DDI2: variants seen among roughly 807,000 people sequenced by gnomAD.
The protein encoded by DDI2 is protein DDI1 homolog 2.
A neutral mutation model predicts 48.1 loss-of-function variants in DDI2; 5 were observed. The observed-to-expected ratio is 0.10, with a 90% confidence interval of 0.05 to 0.22. The LOEUF (loss-of-function observed/expected upper bound fraction) is 0.22. Among genes scored for constraint, DDI2 ranks in the 10% least tolerant of loss-of-function variants. The pLI is 1.00. For synonymous variants in DDI2, 205 were observed against 183.6 expected (o/e 1.12, Z -0.94); for missense variants, 285 against 506.2 (o/e 0.56, Z 4.19).
At chr1:15,622,397 C>T (rs566090847) in intron 1 of DDI2, among the ~76,000 whole-genome samples, 1 of 152,160 alleles carries the variant, frequency 6.6e-6, no homozygotes, top group Admixed American at 6.6e-5. Flanking sequence ...CATTCAGAGA[C>T]CAGAAAACAC....
chr1:15,636,927 G>A (rs147318458), intron 4 of DDI2, among the ~76,000 whole-genome samples: 111 of 152,214 alleles, frequency 7.3e-4, no homozygotes, highest in African/African-American at 2.7e-3. Context: ...AACTTTTTTT[G>A]CCTAAACAGC....
chr1:15,662,988 A>G lies in DDI2; in HGVS notation c.*3198A>G, dbSNP rs1274038933. ...TGTGGCCTTTTTTTATATAAGGACT[A>G]GCCCTTGGAAATCATTGTCCTGTGG... On this transcript the variant is annotated 3_prime_UTR_variant, in exon 10 of 10. Transcript: ENST00000480945. 1 of 152,188 alleles carries G rather than the reference A, an allele frequency of 6.6e-6. No homozygotes were observed. Among genetic ancestry groups the G allele is most frequent in the African/African-American group, 2.4e-5 (1 of 41,440 alleles). 9.4% of individuals were successfully genotyped at this position (152,188 alleles called of 1,614,324 possible). A position where few individuals can be genotyped will look rare whatever the true frequency, so the allele number is the denominator to read the frequency against.
chr1:15,645,780 G>A (rs1640081264), intron 6 of DDI2, among the ~76,000 whole-genome samples: 1 of 151,776 alleles, frequency 6.6e-6, no homozygotes, highest in Non-Finnish European at 1.5e-5. Context: ...TAAGGCAGGA[G>A]GATTGCTTGA....
intron 5 of DDI2, among the ~76,000 whole-genome samples, chr1:15,643,054 G>A (rs565639381): frequency 3.3e-5 from 5 of 152,172 alleles, no homozygotes; most frequent in South Asian, 2.1e-4. Context: ...GCGACAGAGC[G>A]AGACTGTCTC....
intron 8 of DDI2, among the ~76,000 whole-genome samples, chr1:15,653,166 A>T (rs970457136): frequency 6.6e-6 from 1 of 151,876 alleles, no homozygotes; most frequent in African/African-American, 2.4e-5. Context: ...TGTTTTTGTG[A>T]TTTTCCTAAA....
chr1:15,653,272 AT>A (rs1640221275), intron 8 of DDI2, among the ~76,000 whole-genome samples: 3 of 140,328 alleles, frequency 2.1e-5, no homozygotes, highest in Admixed American at 7.0e-5. Context: ...TATTTTATTT[AT>A]TTTATTTTAT....
intron 1 of DDI2, among the ~76,000 whole-genome samples, chr1:15,625,838 C>G (rs983601993): frequency 6.6e-6 from 1 of 152,112 alleles, no homozygotes; most frequent in Admixed American, 6.5e-5. Context: ...AGGCTGGTCT[C>G]GAACCCCTGA....
intron 6 of DDI2, among the ~76,000 whole-genome samples, chr1:15,648,125 G>A (rs560609497): frequency 6.6e-6 from 1 of 152,214 alleles, no homozygotes; most frequent in African/African-American, 2.4e-5. Flanking sequence ...GATTTGTGTA[G>A]GATAAAGATA....
At chr1:15,651,997 C>G (rs1363512332) in intron 8 of DDI2, 102 bp downstream of exon 8, 2 of 1,172,612 alleles carry the variant, frequency 1.7e-6, no homozygotes, top group Admixed American at 6.0e-5. Context: ...TTTAATTAGT[C>G]TCATGGTCCA....
Position 15,636,213 on chromosome 1 carries a change from C to G in DDI2, c.633-2094C>G, listed in dbSNP as rs560914098. Among the ~76,000 whole-genome samples, 20 of 152,222 alleles carry G rather than the reference C, an allele frequency of 1.3e-4. No individual in the cohort carries two copies. In the East Asian group the frequency reaches 3.7e-3, roughly 28 times the overall value. On this transcript the variant is annotated intron_variant, in intron 4 of 9. Transcript: ENST00000480945. ...GTGGCACGATCATGGCTCATAGCCTCAACTTCTTAGGCTCAGGTGATCCTC... is the reference window on the plus strand; with the variant it reads ...GTGGCACGATCATGGCTCATAGCCTGAACTTCTTAGGCTCAGGTGATCCTC...
At chr1:15,643,206 T>C (rs1044045383) in intron 5 of DDI2, among the ~76,000 whole-genome samples, 4 of 152,252 alleles carry the variant, frequency 2.6e-5, no homozygotes, top group Admixed American at 6.5e-5. Flanking sequence ...AAAGTACTGC[T>C]AATTTAGCAT....
At chr1:15,633,199 GA>G (rs1639875084) in intron 3 of DDI2, among the ~76,000 whole-genome samples, 3 of 152,216 alleles carry the variant, frequency 2.0e-5, no homozygotes, top group Admixed American at 2.0e-4. Context: ...AAAGTGTCGA[GA>G]TTATAGGCAT....
intron 9 of DDI2, among the ~76,000 whole-genome samples, chr1:15,657,667 C>T (rs1640291580): frequency 6.6e-6 from 1 of 152,202 alleles, no homozygotes; most frequent in African/African-American, 2.4e-5. Context: ...AAGGCCCTTA[C>T]CATACCTCTT....
intron 2 of DDI2, among the ~76,000 whole-genome samples, chr1:15,629,115 C>T (rs16851878): frequency 0.1 from 15,743 of 152,126 alleles, 1,116 homozygotes; most frequent in African/African-American, 0.19. Context: ...AGTCCCTTTT[C>T]TTCTTTCTTT....
intron 8 of DDI2, among the ~76,000 whole-genome samples, chr1:15,655,435 A>G (rs527447835): frequency 6.7e-6 from 1 of 148,856 alleles, no homozygotes; most frequent in East Asian, 2.0e-4. Flanking sequence ...CCTGGGCAGC[A>G]TGGCAAAACA....
intron 8 of DDI2, chr1:15,656,359 T>C: frequency 7.7e-7 from 1 of 1,292,152 alleles, no homozygotes; most frequent in Non-Finnish European, 9.9e-7. Context: ...GTGAATTCTC[T>C]ATGTGTAGAA....
chr1:15,640,143 T>C (rs1639985117), intron 5 of DDI2, among the ~76,000 whole-genome samples: 2 of 152,112 alleles, frequency 1.3e-5, no homozygotes, highest in African/African-American at 2.4e-5. Context: ...TGCTTGGTGA[T>C]AAGACTTAGT....
In DDI2 at chr1:15,656,335, T is replaced by C. The variant is rs531582138; in HGVS notation, c.1184-282T>C. 3 of 1,158,344 alleles carry C rather than the reference T, an allele frequency of 2.6e-6. No individual in the cohort carries two copies. In the East Asian group the frequency reaches 1.1e-4, roughly 42 times the overall value. The allele number at this position is 1,158,344 out of a possible 1,614,324, so 71.8% of individuals were successfully genotyped here. A position where few individuals can be genotyped will look rare whatever the true frequency, so the allele number is the denominator to read the frequency against. ...CAGGTGGATCTACTTTCTTCACCTG[T>C]CTCACATTTGCCCGTGAATTCTCTA... is the stretch of plus-strand genomic sequence containing the variant. On this transcript the variant is annotated intron_variant, in intron 8 of 9. Coordinates refer to ENST00000480945, the MANE Select transcript of DDI2 (RefSeq NM_032341.5).
chr1:15,629,285 C>T (rs973294961), intron 2 of DDI2, among the ~76,000 whole-genome samples: 2 of 152,114 alleles, frequency 1.3e-5, no homozygotes, highest in Admixed American at 6.6e-5. Context: ...TTATGCTGCT[C>T]ACTTGACATA....
Sources: gnomAD v4.1 joint callset for allele counts (sites outside exome capture counted in the v4.1 genomes callset) on GRCh38, gnomAD v4.1.1 for gene constraint, MANE v1.5 for transcripts, NCBI Gene and HGNC (gene_info 2026-07-23, HGNC 2026-07-21) for gene names.